PPM1H: variants seen among roughly 807,000 people sequenced by gnomAD.
PPM1H encodes the protein protein phosphatase 1H.
In PPM1H, 27 loss-of-function variants were observed where a neutral mutation model predicts 54.9. The observed-to-expected ratio is 0.49, with a 90% CI of 0.36 to 0.68. The LOEUF is 0.68. PPM1H is among the 30% of genes least tolerant of loss of function. The probability of loss-of-function intolerance (pLI) is 0.00; values close to 1 mark genes in which losing one functional copy is unlikely to be tolerated. For synonymous variants in PPM1H, 305 were observed against 270.8 expected (o/e 1.13, Z -1.24); for missense variants, 596 against 667.8 (o/e 0.89, Z 1.19).
At chr12:62,759,080 T>G (rs2076491513) in intron 4 of PPM1H, among the ~76,000 whole-genome samples, 1 of 152,228 alleles carries the variant, frequency 6.6e-6, no homozygotes, top group Admixed American at 6.5e-5. Flanking sequence ...GAACTAACGA[T>G]AATCCACCAC....
intron 1 of PPM1H, among the ~76,000 whole-genome samples, chr12:62,892,757 CAACAGTA>C (rs1309455968): frequency 1.3e-5 from 2 of 152,124 alleles, no homozygotes; most frequent in African/African-American, 4.8e-5. Flanking sequence ...AAGATGCTAT[CAACAGTA>C]AATACATCCT....
chr12:62,832,100 G>C lies in PPM1H; in HGVS notation c.411+14C>G, dbSNP rs777462452. The C allele has an allele frequency of 1.2e-6, 2 of 1,612,662 alleles. No individual in the cohort carries two copies. Among genetic ancestry groups the C allele is most frequent in the Admixed American group, 1.7e-5 (1 of 59,990 alleles). On this transcript the variant is annotated intron_variant, in intron 2 of 9. Transcript: ENST00000228705. ...TCTTCTCACCTGAGAACCAAGGATC[G>C]AGAAGGGTCTTACCGAGTTCTCCTT...
intron 8 of PPM1H, among the ~76,000 whole-genome samples, chr12:62,671,114 C>T (rs1008723541): frequency 6.6e-6 from 1 of 152,138 alleles, no homozygotes; most frequent in South Asian, 2.1e-4. Context: ...TCAATCGAAC[C>T]ATACCCACAT....
At chr12:62,855,155 C>T (rs1362224269) in intron 1 of PPM1H, among the ~76,000 whole-genome samples, 1 of 152,154 alleles carries the variant, frequency 6.6e-6, no homozygotes, top group Non-Finnish European at 1.5e-5. Flanking sequence ...GACCAGCTAT[C>T]CCAGTTTGCC....
intron 1 of PPM1H, among the ~76,000 whole-genome samples, chr12:62,874,618 T>C (rs1265757858): frequency 6.6e-6 from 1 of 152,110 alleles, no homozygotes; most frequent in African/African-American, 2.4e-5. Flanking sequence ...TCTAAGAAAC[T>C]AGGACACAGC....
chr12:62,743,789 A>G (rs894560505), intron 4 of PPM1H, among the ~76,000 whole-genome samples: 1 of 152,166 alleles, frequency 6.6e-6, no homozygotes, highest in Non-Finnish European at 1.5e-5. Flanking sequence ...AAAGATATGA[A>G]AAGATGCTCA....
chr12:62,674,928 G>A (rs568881236), intron 8 of PPM1H, among the ~76,000 whole-genome samples: 1 of 152,146 alleles, frequency 6.6e-6, no homozygotes. Flanking sequence ...TGAAATGAGA[G>A]GTTAGGCCTA....
intron 3 of PPM1H, among the ~76,000 whole-genome samples, chr12:62,796,472 C>T (rs1292446284): frequency 6.6e-6 from 1 of 152,172 alleles, no homozygotes; most frequent in African/African-American, 2.4e-5. Flanking sequence ...TAGAGTGGCT[C>T]ACAGAAATCA....
chr12:62,771,089 A>ACAC (rs2076576906), intron 4 of PPM1H, among the ~76,000 whole-genome samples: 1 of 78,428 alleles, frequency 1.3e-5, no homozygotes, highest in Admixed American at 1.3e-4. Context: ...CACACACACA[A>ACAC]CTGTGTTTTT....
At chr12:62,873,746 G>A (rs1033054388) in intron 1 of PPM1H, among the ~76,000 whole-genome samples, 7 of 152,134 alleles carry the variant, frequency 4.6e-5, no homozygotes, top group South Asian at 4.1e-4. Flanking sequence ...TTGTGGGGAC[G>A]GGAATAAATA....
At chr12:62,922,073 TGTA>T (rs1217446691) in intron 1 of PPM1H, among the ~76,000 whole-genome samples, 1 of 152,222 alleles carries the variant, frequency 6.6e-6, no homozygotes, top group African/African-American at 2.4e-5. Flanking sequence ...AAATAGCAGT[TGTA>T]GTCCAAAAAT....
At chr12:62,906,521 G>A (rs556950637) in intron 1 of PPM1H, among the ~76,000 whole-genome samples, 2 of 152,278 alleles carry the variant, frequency 1.3e-5, no homozygotes, top group South Asian at 2.1e-4. Context: ...AATAGTTTGA[G>A]CGCTAAATTA....
intron 1 of PPM1H, among the ~76,000 whole-genome samples, chr12:62,837,955 GC>G (rs1301573045): frequency 6.6e-6 from 1 of 152,128 alleles, no homozygotes; most frequent in Admixed American, 6.5e-5. Flanking sequence ...CCTCCTCTGA[GC>G]CCTCTTCTCA....
intron 4 of PPM1H, among the ~76,000 whole-genome samples, chr12:62,786,395 C>T (rs930203693): frequency 2.6e-5 from 4 of 152,342 alleles, no homozygotes; most frequent in Admixed American, 6.5e-5. Flanking sequence ...CCTGGAGGTA[C>T]GGCCCTGGCC....
intron 4 of PPM1H, among the ~76,000 whole-genome samples, chr12:62,760,289 A>G (rs2076500701): frequency 6.6e-6 from 1 of 151,444 alleles, no homozygotes; most frequent in Non-Finnish European, 1.5e-5. Context: ...TCCCAGTGAG[A>G]CTCGTCCCAA....
intron 4 of PPM1H, chr12:62,755,794 T>C (rs767160314): frequency 5.1e-5 from 48 of 945,034 alleles, no homozygotes; most frequent in Admixed American, 2.0e-4. Context: ...AGACTGTGGA[T>C]GGCCCCTCTG....
intron 9 of PPM1H, among the ~76,000 whole-genome samples, chr12:62,662,507 C>G (rs2075890485): frequency 6.6e-6 from 1 of 152,170 alleles, no homozygotes; most frequent in Non-Finnish European, 1.5e-5. Flanking sequence ...ACAACACACA[C>G]ATCTATTAGT....
intron 1 of PPM1H, among the ~76,000 whole-genome samples, chr12:62,909,459 G>A (rs1438717689): frequency 6.6e-6 from 1 of 151,924 alleles, no homozygotes; most frequent in Non-Finnish European, 1.5e-5. Flanking sequence ...CTTCTCCCCA[G>A]CCACCCTCAC....
chr12:62,688,008 CAAAAA>C (rs57922128), intron 8 of PPM1H, among the ~76,000 whole-genome samples: 2 of 95,306 alleles, frequency 2.1e-5, no homozygotes, highest in Admixed American at 1.1e-4. Flanking sequence ...GACTCCATCT[CAAAAA>C]AAAAAAAAAA....
Sources: gnomAD v4.1 joint callset for allele counts (sites outside exome capture counted in the v4.1 genomes callset) on GRCh38, gnomAD v4.1.1 for gene constraint, MANE v1.5 for transcripts, NCBI Gene and HGNC (gene_info 2026-07-23, HGNC 2026-07-21) for gene names.